ERC1: variants seen among roughly 807,000 people sequenced by gnomAD.
The protein encoded by ERC1 is ELKS/RAB6-interacting/CAST family member 1.
Under a neutral mutation model 132.0 loss-of-function variants are expected in ERC1, and 56 were observed. The observed-to-expected ratio is 0.42, with a 90% confidence interval of 0.34 to 0.53. ERC1 has a LOEUF of 0.53. ERC1 is among the 20% of genes least tolerant of loss of function. ERC1 has a pLI of 0.03. For synonymous variants in ERC1, 478 were observed against 476.1 expected, an observed-to-expected ratio of 1.00 and a Z score of -0.05; for missense variants, 1,202 against 1,349.9, an observed-to-expected ratio of 0.89 and a Z score of 1.72.
chr12:1,239,236 G>A (rs1235432414), intron 13 of ERC1, among the ~76,000 whole-genome samples: 1 of 151,920 alleles, frequency 6.6e-6, no homozygotes, highest in South Asian at 2.1e-4. Flanking sequence ...TTAATTTTTT[G>A]TAGAGACAAA....
chr12:1,374,824 A>ATTTTTT (rs5795968), intron 16 of ERC1, among the ~76,000 whole-genome samples: 2,852 of 124,440 alleles, frequency 0.023, 55 homozygotes, highest in South Asian at 0.064. Context: ...ACAGGCTGGG[A>ATTTTTT]TTTTTTTTTT....
At chr12:1,382,474 C>CT (rs1187910665) in intron 16 of ERC1, among the ~76,000 whole-genome samples, 1 of 152,178 alleles carries the variant, frequency 6.6e-6, no homozygotes, top group African/African-American at 2.4e-5. Context: ...CTCTTTATGT[C>CT]TAAGTGTTGG....
chr12:1,309,945 TGTTTTGTTTTGTTTTG>T (rs2081170667), intron 15 of ERC1, among the ~76,000 whole-genome samples: 1 of 149,652 alleles, frequency 6.7e-6, no homozygotes, highest in South Asian at 2.1e-4. Context: ...TGTTTTGTTT[TGTTTTGTTTTGTTTTG>T]TTTTGAGACA....
At chr12:1,279,782 G>A (rs149013358) in intron 14 of ERC1, among the ~76,000 whole-genome samples, 1,975 of 151,784 alleles carry the variant, frequency 0.013, 44 homozygotes, top group African/African-American at 0.045. Context: ...TGCAACCTCC[G>A]CGTCCCGGGT....
chr12:1,121,415 AAGAT>A (rs1947068850), intron 7 of ERC1, among the ~76,000 whole-genome samples: 2 of 152,230 alleles, frequency 1.3e-5, no homozygotes, highest in Non-Finnish European at 2.9e-5. Context: ...GCCACAAAGA[AAGAT>A]GGGGAGAAGA....
chr12:1,028,075 A>T lies in ERC1; in HGVS notation c.172A>T (p.Asn58Tyr). Residue 58 changes from asparagine (N) to tyrosine (Y), a missense_variant, in exon 2 of 19, where the codon AAT becomes TAT. Transcript: ENST00000360905. ...CAGTGGGAAAACCCTTTCAATGGAA[A>T]ATATACAATCTTTAAATGCTGCCTA... Reference protein sequence around the residue: ...GGSGKTLSMENIQSLNAAYAT... With the variant: ...GGSGKTLSMEYIQSLNAAYAT... 4 of 1,614,118 alleles carry T rather than the reference A, an allele frequency of 2.5e-6. No homozygotes were observed. Among genetic ancestry groups the T allele is most frequent in the Non-Finnish European group, 3.4e-6 (4 of 1,180,006 alleles).
Position 1,471,352 on chromosome 12 carries a change from C to G in ERC1, c.3214-18741C>G, listed in dbSNP as rs150187313. Among the ~76,000 whole-genome samples the G allele has an allele frequency of 4.9e-3, 740 of 151,870 alleles. 6 individuals carry two copies. The highest frequency in any genetic ancestry group is 0.017 in the African/African-American group (715 of 41,132). The stretch of plus-strand genomic sequence containing the variant: ...ATCACGTAGAAAAAACTGAAATTAT[C>G]TCAGCTAGGGAAGAATGCTTTAGGC... On this transcript the variant is annotated intron_variant, in intron 18 of 18. Coordinates refer to ENST00000360905, the MANE Select transcript of ERC1 (RefSeq NM_178040.4).
intron 2 of ERC1, among the ~76,000 whole-genome samples, chr12:1,082,777 C>G (rs1217933104): frequency 2.6e-5 from 4 of 152,170 alleles, no homozygotes; most frequent in Admixed American, 6.5e-5. Context: ...CAGGTGTGAG[C>G]CACCACGCCC....
intron 18 of ERC1, among the ~76,000 whole-genome samples, chr12:1,469,235 T>C: frequency 6.6e-6 from 1 of 152,224 alleles, no homozygotes. Context: ...GCCCAGCTCT[T>C]GAGCACTGTC....
intron 8 of ERC1, among the ~76,000 whole-genome samples, chr12:1,164,271 GTTATTTTATGTTATTTTATTTTGTTATT>G (rs1385669987): frequency 5.5e-5 from 4 of 73,198 alleles, no homozygotes; most frequent in East Asian, 2.7e-4. Flanking sequence ...ATTTTATGTT[GTTATTTTATGTTATTTTATTTTGTTATT>G]TTATTTTATG....
intron 8 of ERC1, among the ~76,000 whole-genome samples, chr12:1,147,576 T>C (rs1246554469): frequency 6.6e-6 from 1 of 152,242 alleles, no homozygotes; most frequent in African/African-American, 2.4e-5. Flanking sequence ...AGACAACTTT[T>C]AGTGGATTAG....
intron 15 of ERC1, among the ~76,000 whole-genome samples, chr12:1,292,475 C>T (rs1018495633): frequency 9.2e-5 from 14 of 152,150 alleles, no homozygotes; most frequent in African/African-American, 2.2e-4. Context: ...ATCTCCTGAA[C>T]TGACTAGACA....
chr12:1,176,033 G>T (rs1321873125), intron 8 of ERC1, among the ~76,000 whole-genome samples: 1 of 152,066 alleles, frequency 6.6e-6, no homozygotes, highest in Non-Finnish European at 1.5e-5. Flanking sequence ...ACCTCCTATT[G>T]TGAATCACAA....
At chr12:1,417,284 G>T (rs2154397744) in intron 17 of ERC1, among the ~76,000 whole-genome samples, 1 of 152,142 alleles carries the variant, frequency 6.6e-6, no homozygotes, top group South Asian at 2.1e-4. Flanking sequence ...TCAGAACTCT[G>T]CCGTCTGCTA....
chr12:1,182,781 T>C (rs1199113487), intron 10 of ERC1, among the ~76,000 whole-genome samples: 1 of 151,928 alleles, frequency 6.6e-6, no homozygotes, highest in African/African-American at 2.4e-5. Flanking sequence ...CCTATTTCAG[T>C]CTTCCATGTA....
At chr12:1,239,280 T>A (rs1186032700) in intron 13 of ERC1, among the ~76,000 whole-genome samples, 2 of 152,122 alleles carry the variant, frequency 1.3e-5, no homozygotes, top group African/African-American at 4.8e-5. Context: ...GTTCTCGAAC[T>A]CCTGGCTCCA....
chr12:1,401,071 G>A (rs1169054648), intron 16 of ERC1, among the ~76,000 whole-genome samples: 1 of 151,142 alleles, frequency 6.6e-6, no homozygotes, highest in Non-Finnish European at 1.5e-5. Context: ...GAGTAGCTGG[G>A]ACTACAGACG....
At chr12:1,155,761 G>A (rs1457229834) in intron 8 of ERC1, among the ~76,000 whole-genome samples, 3 of 151,884 alleles carry the variant, frequency 2.0e-5, no homozygotes, top group African/African-American at 4.8e-5. Flanking sequence ...GTGAGCCACC[G>A]CGCCCTGCTG....
chr12:1,301,495 A>G (rs887645560), intron 15 of ERC1, among the ~76,000 whole-genome samples: 1 of 152,216 alleles, frequency 6.6e-6, no homozygotes, highest in Admixed American at 6.5e-5. Context: ...ATAAAAACGA[A>G]CAGGATCATG....
Sources: gnomAD v4.1 joint callset for allele counts (sites outside exome capture counted in the v4.1 genomes callset) on GRCh38, gnomAD v4.1.1 for gene constraint, MANE v1.5 for transcripts, NCBI Gene and HGNC (gene_info 2026-07-23, HGNC 2026-07-21) for gene names.